PHC2: variants seen among roughly 807,000 people sequenced by gnomAD.
PHC2 encodes polyhomeotic-like protein 2.
Under a neutral mutation model 87.4 loss-of-function variants are expected in PHC2, and 29 were observed. That is an observed-to-expected ratio of 0.33 (90% CI 0.25 to 0.45). The LOEUF (loss-of-function observed/expected upper bound fraction) is 0.45. Among genes scored for constraint, PHC2 ranks in the 20% least tolerant of loss-of-function variants. The probability of loss-of-function intolerance (pLI) is 1.00; values close to 1 mark genes in which losing one functional copy is unlikely to be tolerated. For synonymous variants in PHC2, 438 were observed against 461.7 expected (o/e 0.95, Z 0.66); for missense variants, 857 against 1,136.7 (o/e 0.75, Z 3.54).
In PHC2 at chr1:33,368,162, G is replaced by A. The variant is rs1443752889; in HGVS notation, c.663+374C>T. Among the ~76,000 whole-genome samples the A allele has an allele frequency of 2.0e-5, 3 of 152,154 alleles. No homozygotes were observed. Among genetic ancestry groups the A allele is most frequent in the Non-Finnish European group, 4.4e-5 (3 of 68,040 alleles). On this transcript the variant is annotated intron_variant, in intron 6 of 14. Transcript: ENST00000683057. The surrounding 1 kb of genome is among the most constrained non-coding windows in gnomAD (Gnocchi z 6.6). ...CTCCCTCTTACATGTCATTTTTCTC[G>A]AGTCCTAGCAGCACTACCGTGTGTA... is the stretch of plus-strand genomic sequence containing the variant.
In PHC2 at chr1:33,368,520, A is replaced by T; in HGVS notation, c.663+16T>A. On this transcript the variant is annotated intron_variant, in intron 6 of 14. Coordinates refer to ENST00000683057, the MANE Select transcript of PHC2 (RefSeq NM_001385109.1). This position sits in a 1 kb window ranked among gnomAD's most constrained non-coding sequence, Gnocchi z 6.6. ...GTGCCCACCCCCCTGCCCTCCCACA[A>T]GCATGGAGTCCTCACCTGGGCGGGG... The T allele has an allele frequency of 1.4e-6, 2 of 1,405,474 alleles. No individual in the cohort carries two copies. The highest frequency in any genetic ancestry group is 1.9e-6 in the Non-Finnish European group (2 of 1,026,040). The allele number at this position is 1,405,474 out of a possible 1,614,324, so 87.1% of individuals were successfully genotyped here. A position where few individuals can be genotyped will look rare whatever the true frequency, so the allele number is the denominator to read the frequency against.
In PHC2 at chr1:33,333,604, G is replaced by C. The variant is rs576649634; in HGVS notation, c.1761+486C>G. On this transcript the variant is annotated intron_variant, in intron 10 of 14. Transcript: ENST00000683057. Reference sequence around the variant, plus strand: ...CTCCCCTTTCAAGGCTCTGTCCCCAGAAAACAAGCTTCAGGTTGTGACCCT... The same window carrying C: ...CTCCCCTTTCAAGGCTCTGTCCCCACAAAACAAGCTTCAGGTTGTGACCCT... The C allele has an allele frequency of 1.2e-4, 20 of 165,506 alleles. No homozygotes were observed. The South Asian group carries it at 2.9e-3, about 24-fold the overall frequency. 10.3% of individuals were successfully genotyped at this position (165,506 alleles called of 1,614,324 possible). A position where few individuals can be genotyped will look rare whatever the true frequency, so the allele number is the denominator to read the frequency against.
intron 1 of PHC2, among the ~76,000 whole-genome samples, chr1:33,419,264 T>C (rs1354140573): frequency 6.6e-6 from 1 of 152,102 alleles, no homozygotes; most frequent in East Asian, 1.9e-4. Context: ...CTAAGCAGTA[T>C]GATAAGTGAC....
intron 9 of PHC2, chr1:33,336,605 C>G (rs767052236): frequency 2.0e-5 from 3 of 152,194 alleles, no homozygotes; most frequent in African/African-American, 7.2e-5. Context: ...ATTAGTCTTT[C>G]CAATTGCAAA....
At chr1:33,326,509 C>T (rs1646374280) in intron 14 of PHC2, 1 of 152,298 alleles carries the variant, frequency 6.6e-6, no homozygotes, top group East Asian at 1.9e-4. Flanking sequence ...ACTGTCCATG[C>T]TGCCCCTCAG....
At chr1:33,393,998 A>G (rs2148366184) in intron 1 of PHC2, among the ~76,000 whole-genome samples, 1 of 152,346 alleles carries the variant, frequency 6.6e-6, no homozygotes. Context: ...CTTTGTTCAG[A>G]AAGGCAGAGT....
chr1:33,376,603 A>G (rs760401801), intron 1 of PHC2, among the ~76,000 whole-genome samples: 1 of 152,210 alleles, frequency 6.6e-6, no homozygotes, highest in Non-Finnish European at 1.5e-5. Context: ...GTCCATATTT[A>G]TACAGCCACC....
At chr1:33,367,750 C>G (rs1570490619) in intron 6 of PHC2, among the ~76,000 whole-genome samples, 1 of 152,264 alleles carries the variant, frequency 6.6e-6, no homozygotes, top group East Asian at 1.9e-4. Flanking sequence ...CCAACACTTT[C>G]AGGATTGGAT....
rs1409182201 is a variant in PHC2, at chr1:33,355,232, T to C, written c.998A>G (p.His333Arg). ...TGAGGATGGCTGTGGGAGGAGCTGGTGTGGCTGCAGCTGAGCATAGGCTGA... is the reference window on the plus strand; with the variant it reads ...TGAGGATGGCTGTGGGAGGAGCTGGCGTGGCTGCAGCTGAGCATAGGCTGA... ...IAPAYAQLQPHQLLPQPSSKH... is the reference protein window; with the variant it reads ...IAPAYAQLQPRQLLPQPSSKH... Residue 333 changes from histidine to arginine, a missense_variant, in exon 8 of 15, where the codon CAC becomes CGC. By Grantham distance (29) the His-to-Arg change is conservative. Coordinates refer to ENST00000683057, the MANE Select transcript of PHC2 (RefSeq NM_001385109.1). The C allele has an allele frequency of 2.5e-6, 4 of 1,585,636 alleles. No homozygotes were observed. The South Asian group carries it at 4.6e-5, about 18-fold the overall frequency.
intron 3 of PHC2, among the ~76,000 whole-genome samples, chr1:33,371,828 G>A (rs1261176499): frequency 2.0e-5 from 3 of 152,234 alleles, no homozygotes; most frequent in African/African-American, 7.2e-5. Context: ...CAAGAAGACA[G>A]GGTGCTCAGT....
chr1:33,405,533 T>C (rs1308117388), intron 1 of PHC2, among the ~76,000 whole-genome samples: 1 of 152,132 alleles, frequency 6.6e-6, no homozygotes, highest in African/African-American at 2.4e-5. Flanking sequence ...TTTGGCTTTG[T>C]ATATCCTCTC....
intron 14 of PHC2, chr1:33,325,229 C>T (rs1188770222): frequency 3.6e-6 from 2 of 553,156 alleles, no homozygotes; most frequent in Non-Finnish European, 6.4e-6. Flanking sequence ...TCTGGGCCTC[C>T]TCCTATGTTC....
intron 7 of PHC2, among the ~76,000 whole-genome samples, chr1:33,362,659 G>A (rs6703787): frequency 0.72 from 108,905 of 152,146 alleles, 39,732 homozygotes; most frequent in African/African-American, 0.86. Context: ...GGAGGGTCCC[G>A]CTTACACACA....
intron 1 of PHC2, among the ~76,000 whole-genome samples, chr1:33,420,736 A>G (rs374730533): frequency 6.6e-6 from 1 of 151,948 alleles, no homozygotes; most frequent in Non-Finnish European, 1.5e-5. Flanking sequence ...CAGCTTCCTG[A>G]GTAGCTGAGA....
intron 9 of PHC2, among the ~76,000 whole-genome samples, chr1:33,341,754 AAAAC>A (rs1461293916): frequency 3.9e-5 from 6 of 152,272 alleles, no homozygotes; most frequent in East Asian, 1.9e-4. Context: ...ATTTTAGAAT[AAAAC>A]AAACGAATGC....
intron 1 of PHC2, among the ~76,000 whole-genome samples, chr1:33,376,990 G>T (rs1648218382): frequency 6.6e-6 from 1 of 152,156 alleles, no homozygotes; most frequent in Admixed American, 6.5e-5. Context: ...TGTGTTTGAG[G>T]TATCTATCTT....
At chr1:33,370,942 A>G (rs1647789439) in intron 4 of PHC2, 75 bp downstream of exon 4, 1 of 1,222,250 alleles carries the variant, frequency 8.2e-7, no homozygotes, top group East Asian at 2.3e-5. Context: ...CGGATTCACC[A>G]CAACTGGGTC....
intron 1 of PHC2, among the ~76,000 whole-genome samples, chr1:33,376,865 G>A (rs1302648702): frequency 6.6e-6 from 1 of 152,190 alleles, no homozygotes; most frequent in African/African-American, 2.4e-5. Flanking sequence ...GGAGACAGAG[G>A]TTGCAGTGAG....
At chr1:33,338,835 A>T (rs1360662146) in intron 9 of PHC2, among the ~76,000 whole-genome samples, 1 of 152,110 alleles carries the variant, frequency 6.6e-6, no homozygotes, top group Non-Finnish European at 1.5e-5. Flanking sequence ...GATAAGGCCG[A>T]TGGGAGAGGC....
Sources: gnomAD v4.1 joint callset for allele counts (sites outside exome capture counted in the v4.1 genomes callset) on GRCh38, gnomAD v4.1.1 for gene constraint, Gnocchi (gnomAD v3.1) non-coding constraint, MANE v1.5 for transcripts, NCBI Gene and HGNC (gene_info 2026-07-23, HGNC 2026-07-21) for gene names.